Variants in C4orf50 observed in about 807,000 individuals in gnomAD.
C4orf50 encodes the protein chromosome 4 open reading frame 50.
Under a neutral mutation model 77.2 loss-of-function variants are expected in C4orf50, and 80 were observed. The ratio of observed to expected loss-of-function variants is 1.04; its 90% CI spans 0.87 to 1.25. The LOEUF (loss-of-function observed/expected upper bound fraction) is 1.25. C4orf50 is among the 50% of genes most tolerant of loss of function. The pLI, the probability that C4orf50 is intolerant of heterozygous loss-of-function variation, is 0.00. For synonymous variants in C4orf50, 532 were observed against 465.3 expected, an observed-to-expected ratio of 1.14 and a Z score of -1.84; for missense variants, 1,257 against 1,152.9, an observed-to-expected ratio of 1.09 and a Z score of -1.31.
chr4:5,945,968 A>C (rs937175585), intron 7 of C4orf50, among the ~76,000 whole-genome samples: 1 of 152,288 alleles, frequency 6.6e-6, no homozygotes, highest in East Asian at 1.9e-4. Context: ...TGGGAGGCAC[A>C]AGGAGAAGGC....
At chr4:5,951,873 T>C (rs193272898) in intron 7 of C4orf50, among the ~76,000 whole-genome samples, 7 of 152,258 alleles carry the variant, frequency 4.6e-5, no homozygotes, top group Non-Finnish European at 1.0e-4. Flanking sequence ...GGTGGTGTAA[T>C]GTGCAGGGGG....
Position 5,975,958 on chromosome 4 carries a change from G to T in C4orf50, c.3865-3C>A. 6.2e-7 allele frequency: 1 copy of T among 1,612,246 alleles called. No individual in the cohort carries two copies. The highest frequency in any genetic ancestry group is 8.5e-7 in the Non-Finnish European group (1 of 1,178,640). ...TGCTTTTTCTGAAGTTCTTCAAGCT[G>T]AAATAAAAGCGACATTTTTGACAAC... On this transcript the variant is annotated splice_region_variant and splice_polypyrimidine_tract_variant and intron_variant, in intron 29 of 33. Transcript: ENST00000531445.
rs939854060 is a variant in C4orf50 at position 6,011,353 on chromosome 4, G to A, written c.426+477C>T. 6.6e-6 allele frequency among the ~76,000 whole-genome samples: 1 copy of A among 152,018 alleles called. No homozygotes were observed. Among genetic ancestry groups the A allele is most frequent in the African/African-American group, 2.4e-5 (1 of 41,388 alleles). ...TCTGTGCTACGGCCCCGTGCTGTCA[G>A]CCACGCCTCACATGCCCTTCCCAAC... is the stretch of plus-strand genomic sequence containing the variant. On this transcript the variant is annotated intron_variant, in intron 24 of 33. Transcript: ENST00000531445. The surrounding 1 kb of genome is among the most constrained non-coding windows in gnomAD (Gnocchi z 4.2).
rs1469736081 is a variant in C4orf50, at chr4:5,958,672, G to A, written c.*703C>T. On this transcript the variant is annotated 3_prime_UTR_variant, in exon 34 of 34. Transcript: ENST00000531445. The surrounding 1 kb of genome is among the most constrained non-coding windows in gnomAD (Gnocchi z 5.4). ...TGTCTCTTCTCCTTCATGCCACATT[G>A]CCTGGCATCCAGTGGATATCAACAG... is the stretch of plus-strand genomic sequence containing the variant. The A allele has an allele frequency of 7.2e-5, 11 of 152,210 alleles. No individual in the cohort carries two copies. Among genetic ancestry groups the A allele is most frequent in the Admixed American group, 7.2e-4 (11 of 15,286 alleles). 9.4% of individuals were successfully genotyped at this position (152,210 alleles called of 1,614,324 possible).
chr4:5,988,911 C>T (rs1267715863), exon 28 of C4orf50: 11 of 1,535,970 alleles, frequency 7.2e-6, no homozygotes, highest in East Asian at 2.4e-5. Context: ...CTTGCTCCAT[C>T]GTGTCTTTGG....
intron 25 of C4orf50, among the ~76,000 whole-genome samples, chr4:6,003,811 TG>T (rs1721977278): frequency 7.2e-6 from 1 of 139,110 alleles, no homozygotes; most frequent in African/African-American, 2.7e-5. Context: ...ATGGTGATGA[TG>T]GTGATGATGG....
At chr4:5,978,202 C>T (rs537507067) in intron 29 of C4orf50, among the ~76,000 whole-genome samples, 36 of 152,300 alleles carry the variant, frequency 2.4e-4, no homozygotes, top group Non-Finnish European at 4.1e-4. Flanking sequence ...TGGAACCTTC[C>T]TACACTGCTG....
At chr4:5,939,238 T>C (rs1577910491) in intron 7 of C4orf50, among the ~76,000 whole-genome samples, 1 of 152,098 alleles carries the variant, frequency 6.6e-6, no homozygotes, top group South Asian at 2.1e-4. Flanking sequence ...ACTGAAACTC[T>C]GTCTCAAAAA....
At chr4:6,014,908 C>A (rs577173628) in intron 23 of C4orf50, among the ~76,000 whole-genome samples, 2 of 152,284 alleles carry the variant, frequency 1.3e-5, no homozygotes, top group East Asian at 3.9e-4. Flanking sequence ...TCACAGAGGC[C>A]CCTCCTCCCT....
At position 6,000,673 on chromosome 4, in the gene C4orf50, G is replaced by T. The variant is rs1038247333; in HGVS notation, c.964-6197C>A. On this transcript the variant is annotated intron_variant, in intron 25 of 33. Transcript: ENST00000531445. The surrounding 1 kb of genome is among the most constrained non-coding windows in gnomAD (Gnocchi z 6.0). The stretch of plus-strand genomic sequence containing the variant: ...TCTGTTTTGTCATCCTGTGGGGCAG[G>T]GTCTTGTCTCACTCCCCAGCCCCTG... Among the ~76,000 whole-genome samples, 1 of 152,006 alleles carries T rather than the reference G, an allele frequency of 6.6e-6. No individual in the cohort carries two copies. Among genetic ancestry groups the T allele is most frequent in the Non-Finnish European group, 1.5e-5 (1 of 68,024 alleles).
exon 34 of C4orf50, chr4:5,959,535 T>A (rs769990448): frequency 2.4e-5 from 38 of 1,614,186 alleles, no homozygotes; most frequent in Non-Finnish European, 1.7e-5. Flanking sequence ...TCCGCCTTTT[T>A]CTTGCAGACG....
chr4:5,967,469 GAA>G lies in C4orf50; in HGVS notation c.4105-9_4105-8del. 6.2e-7 allele frequency: 1 copy of G among 1,613,644 alleles called. No homozygotes were observed. The highest frequency in any genetic ancestry group is 8.5e-7 in the Non-Finnish European group (1 of 1,179,566). On this transcript the variant is annotated splice_polypyrimidine_tract_variant and splice_region_variant and intron_variant, in intron 31 of 33. Coordinates refer to ENST00000531445, the Ensembl canonical transcript of C4orf50. ...CGTCCAGGTGGTGGCTTGTCTGCAA[GAA>G]AAGACATCTTGGCGGTTATTCTGCA... is the stretch of plus-strand genomic sequence containing the variant.
intron 33 of C4orf50, among the ~76,000 whole-genome samples, chr4:5,964,257 C>T (rs1719429020): frequency 6.6e-6 from 1 of 152,134 alleles, no homozygotes; most frequent in African/African-American, 2.4e-5. Flanking sequence ...GGGGAAAGGG[C>T]TCTCAAATAC....
intron 28 of C4orf50, among the ~76,000 whole-genome samples, chr4:5,987,657 G>T (rs775952119): frequency 2.6e-4 from 39 of 151,818 alleles, no homozygotes; most frequent in Non-Finnish European, 4.9e-4. Flanking sequence ...GAGACACAGA[G>T]ACAGGAAAGG....
chr4:5,980,157 G>A lies in C4orf50; in HGVS notation c.3864+17C>T, dbSNP rs1238815637. Reference sequence around the variant, plus strand: ...GAGCCCTGGCTGACAAGAGGGGAAAGAAAGCACTTCCCACACCTTGGCCTG... The same window carrying A: ...GAGCCCTGGCTGACAAGAGGGGAAAAAAAGCACTTCCCACACCTTGGCCTG... On this transcript the variant is annotated intron_variant, in intron 29 of 33. Transcript: ENST00000531445. 1 of 1,555,746 alleles carries A rather than the reference G, an allele frequency of 6.4e-7. No homozygotes were observed. The highest frequency in any genetic ancestry group is 1.2e-5 in the South Asian group (1 of 84,636).
At chr4:5,939,133 C>T (rs1214500640) in intron 7 of C4orf50, among the ~76,000 whole-genome samples, 1 of 152,116 alleles carries the variant, frequency 6.6e-6, no homozygotes, top group Non-Finnish European at 1.5e-5. Flanking sequence ...ATCCCAGCTA[C>T]TCCAGAGGCT....
downstream of C4orf50, among the ~76,000 whole-genome samples, chr4:5,954,171 G>A (rs1718846917): frequency 6.6e-6 from 1 of 152,176 alleles, no homozygotes; most frequent in African/African-American, 2.4e-5. This position sits in a 1 kb window ranked among gnomAD's most constrained non-coding sequence, Gnocchi z 4.7. Flanking sequence ...GTGTGCCATG[G>A]ATGGACTATC....
intron 25 of C4orf50, among the ~76,000 whole-genome samples, chr4:6,003,824 GA>G (rs1721983617): frequency 2.2e-5 from 2 of 89,610 alleles, no homozygotes; most frequent in Non-Finnish European, 4.3e-5. Flanking sequence ...TGATGATGGT[GA>G]TGGTGATGAT....
intron 30 of C4orf50, 53 bp from the exon 9 acceptor site, chr4:5,973,894 G>A (rs1720097347): frequency 1.4e-6 from 2 of 1,438,326 alleles, no homozygotes; most frequent in South Asian, 1.3e-5. Context: ...CTGCATGGCT[G>A]AGCTGGAGGG....
Sources: allele counts gnomAD v4.1 joint callset (sites outside exome capture counted in the v4.1 genomes callset), GRCh38; gene constraint gnomAD v4.1.1; non-coding constraint Gnocchi (gnomAD v3.1); transcripts MANE v1.5; gene names NCBI Gene and HGNC (gene_info 2026-07-23, HGNC 2026-07-21).